RUSC2: variants seen among roughly 807,000 people sequenced by gnomAD.
The protein encoded by RUSC2 is RUN and SH3 domain containing 2.
In RUSC2, 34 loss-of-function variants were observed where a neutral mutation model predicts 122.2. The ratio of observed to expected loss-of-function variants is 0.28; its 90% CI spans 0.21 to 0.37. The LOEUF is 0.37. Among genes scored for constraint, RUSC2 ranks in the 10% least tolerant of loss-of-function variants. RUSC2 has a pLI of 1.00. For missense variants in RUSC2, 1,747 were observed against 1,952.4 expected, an observed-to-expected ratio of 0.89 and a Z score of 1.98; for synonymous variants, 784 against 790.0, an observed-to-expected ratio of 0.99 and a Z score of 0.13.
chr9:35,545,511 C>T (rs556235267), intron 1 of RUSC2, among the ~76,000 whole-genome samples: 2 of 152,230 alleles, frequency 1.3e-5, no homozygotes, highest in Admixed American at 1.3e-4. Flanking sequence ...TTTGCTTTAG[C>T]CTATAAGAGG....
At position 35,560,013 on chromosome 9, in the gene RUSC2, C is replaced by G; in HGVS notation, c.3389-16C>G. On this transcript the variant is annotated splice_polypyrimidine_tract_variant and intron_variant, in intron 9 of 11. Transcript: ENST00000361226. ...TGGTTCTCTGTGTGGATCAGTCCCT[C>G]TCTCTTTTCCCCTAGACATCATCCA... 1 of 1,569,966 alleles carries G rather than the reference C, an allele frequency of 6.4e-7. No individual in the cohort carries two copies. The highest frequency in any genetic ancestry group is 1.4e-5 in the African/African-American group (1 of 73,958).
chr9:35,546,208 G>C lies in RUSC2; in HGVS notation c.-92-222G>C, dbSNP rs1821741775. Among the ~76,000 whole-genome samples the C allele has an allele frequency of 1.3e-5, 2 of 152,176 alleles. 1 individual carries two copies. Among genetic ancestry groups the C allele is most frequent in the South Asian group, 4.1e-4 (2 of 4,834 alleles). On this transcript the variant is annotated intron_variant, in intron 1 of 11. Transcript: ENST00000361226. This position sits in a 1 kb window ranked among gnomAD's most constrained non-coding sequence, Gnocchi z 4.3. Reference sequence around the variant, plus strand: ...GCCTTTTGTCATAATTTGATGCATAGTGACCTTAAAATTAAGGGGGACCTC... The same window carrying C: ...GCCTTTTGTCATAATTTGATGCATACTGACCTTAAAATTAAGGGGGACCTC...
Position 35,561,753 on chromosome 9 carries a change from C to G in RUSC2, c.*371C>G, listed in dbSNP as rs1055469835. 3.6e-6 allele frequency: 2 copies of G among 549,514 alleles called. No individual in the cohort carries two copies. Among genetic ancestry groups the G allele is most frequent in the Admixed American group, 3.1e-5 (1 of 32,692 alleles). 34.0% of individuals were successfully genotyped at this position (549,514 alleles called of 1,614,324 possible). ...TGAGGATGGGTAACAGTATTGGGGC[C>G]AGATCCCTAAGCCCCCCAGCTGTAA... On this transcript the variant is annotated 3_prime_UTR_variant, in exon 12 of 12. Coordinates refer to ENST00000361226, the MANE Select transcript of RUSC2 (RefSeq NM_014806.5).
chr9:35,507,752 A>C, intron 1 of RUSC2: 1 of 225,708 alleles, frequency 4.4e-6, no homozygotes. Flanking sequence ...CTAAAACTAC[A>C]GAGAAGATTG....
At chr9:35,506,629 C>G (rs1217589084) in intron 1 of RUSC2, among the ~76,000 whole-genome samples, 1 of 152,176 alleles carries the variant, frequency 6.6e-6, no homozygotes, top group Non-Finnish European at 1.5e-5. Flanking sequence ...TAGTAACATT[C>G]ACAGAGATTA....
intron 1 of RUSC2, among the ~76,000 whole-genome samples, chr9:35,512,042 G>C (rs576521143): frequency 6.6e-6 from 1 of 152,110 alleles, no homozygotes; most frequent in Non-Finnish European, 1.5e-5. Context: ...TTAGCTGGGC[G>C]TGGTGGCTGG....
intron 1 of RUSC2, among the ~76,000 whole-genome samples, chr9:35,504,145 T>A (rs1820868382): frequency 6.6e-6 from 1 of 152,212 alleles, no homozygotes; most frequent in South Asian, 2.1e-4. Context: ...TTCCTTAGCA[T>A]AGAATTCTAG....
In RUSC2 at chr9:35,528,934, A is replaced by T. The variant is rs184182072; in HGVS notation, c.-92-17496A>T. On this transcript the variant is annotated intron_variant, in intron 1 of 11. Transcript: ENST00000361226. Reference sequence around the variant, plus strand: ...GACCCCCATCTTTAAAAAAATTTTTAAAAAAAAATTGTAAAAAGTTTAAAA... The same window carrying T: ...GACCCCCATCTTTAAAAAAATTTTTTAAAAAAAATTGTAAAAAGTTTAAAA... Among the ~76,000 whole-genome samples the T allele has an allele frequency of 1.6e-3, 249 of 151,984 alleles. 4 individuals are homozygous for T. In the South Asian group the frequency reaches 0.018, roughly 11 times the overall value.
chr9:35,561,651 G>A lies in RUSC2; in HGVS notation c.*269G>A, dbSNP rs1397406701. ...GGCCCGTCTGGGCCAACCCTTCCAT[G>A]GGTGAAGACAAGCAAGTCCCCCTGG... On this transcript the variant is annotated 3_prime_UTR_variant, in exon 12 of 12. Transcript: ENST00000361226. 16 of 551,298 alleles carry A rather than the reference G, an allele frequency of 2.9e-5. No homozygotes were observed. The East Asian group carries it at 4.3e-4, about 15-fold the overall frequency. The allele number at this position is 551,298 out of a possible 1,614,324, so 34.2% of individuals were successfully genotyped here.
chr9:35,547,237 A>G lies in RUSC2; in HGVS notation c.716A>G (p.Asn239Ser). 6.2e-7 allele frequency: 1 copy of G among 1,614,068 alleles called. No individual in the cohort carries two copies. The highest frequency in any genetic ancestry group is 8.5e-7 in the Non-Finnish European group (1 of 1,180,016). The change falls in exon 2 of 12, where the codon AAC (asparagine) becomes AGC (serine). Residue 239 changes from asparagine to serine, a missense_variant. Transcript: ENST00000361226. This position sits in a 1 kb window ranked among gnomAD's most constrained non-coding sequence, Gnocchi z 4.6. ...WKLSSDESPR[N>S]PGCSGSGDQH... ...CTCAGTTCAGATGAATCCCCAAGGA[A>G]CCCTGGATGCTCCGGCTCAGGGGAC... is the stretch of plus-strand genomic sequence containing the variant.
In RUSC2 at chr9:35,530,105, G is replaced by C. The variant is rs140567602; in HGVS notation, c.-92-16325G>C. Among the ~76,000 whole-genome samples, 46 of 152,154 alleles carry C rather than the reference G, an allele frequency of 3.0e-4. No individual in the cohort carries two copies. In the East Asian group the frequency reaches 8.3e-3, roughly 27 times the overall value. ...TAGCTAGGACTACAGGTGCACACCA[G>C]CACACCCAGCTAATTTTTGTATTTT... On this transcript the variant is annotated intron_variant, in intron 1 of 11. Transcript: ENST00000361226.
chr9:35,503,006 A>G (rs1173826112), intron 1 of RUSC2, among the ~76,000 whole-genome samples: 1 of 152,050 alleles, frequency 6.6e-6, no homozygotes, highest in African/African-American at 2.4e-5. Flanking sequence ...GATTACAGGC[A>G]TGCAACACCA....
chr9:35,524,926 G>C (rs550574650), intron 1 of RUSC2, among the ~76,000 whole-genome samples: 4 of 150,516 alleles, frequency 2.7e-5, no homozygotes, highest in Admixed American at 6.6e-5. Context: ...AGCCAAGATC[G>C]CACCACTGCA....
chr9:35,521,767 G>A (rs1210298201), intron 1 of RUSC2, among the ~76,000 whole-genome samples: 1 of 152,250 alleles, frequency 6.6e-6, no homozygotes, highest in African/African-American at 2.4e-5. Context: ...CTTCAGGCTA[G>A]GCCCTTTCAA....
In RUSC2 at chr9:35,560,743, C is replaced by T. The variant is rs370296026; in HGVS notation, c.4103C>T (p.Ser1368Leu). Residue 1368 changes from serine to leucine, a missense_variant, in exon 10 of 12, where the codon TCG (serine) becomes TTG (leucine). Coordinates refer to ENST00000361226, the MANE Select transcript of RUSC2 (RefSeq NM_014806.5). ...CGGGAGAGGGAAGGGCCCGCTGCCT[C>T]GCCAGCAGAAAATGAGGAAGGGGCC... ...RSREREGPAA[S>L]PAENEEGASE... The T allele has an allele frequency of 3.3e-5, 51 of 1,539,526 alleles. No homozygotes were observed. In the African/African-American group the frequency reaches 3.9e-4, roughly 12 times the overall value.
intron 1 of RUSC2, among the ~76,000 whole-genome samples, chr9:35,538,161 G>A (rs893359342): frequency 1.3e-5 from 2 of 152,186 alleles, no homozygotes; most frequent in Admixed American, 1.3e-4. Flanking sequence ...ACCCAGCTGA[G>A]CACTGACCGA....
In RUSC2 at chr9:35,558,455, C is replaced by T; in HGVS notation, c.3236-7C>T. The T allele has an allele frequency of 1.9e-6, 3 of 1,614,026 alleles. No homozygotes were observed. Among genetic ancestry groups the T allele is most frequent in the Non-Finnish European group, 2.5e-6 (3 of 1,179,916 alleles). On this transcript the variant is annotated splice_polypyrimidine_tract_variant and splice_region_variant and intron_variant, in intron 7 of 11. Coordinates refer to ENST00000361226, the MANE Select transcript of RUSC2 (RefSeq NM_014806.5). The surrounding 1 kb of genome is among the most constrained non-coding windows in gnomAD (Gnocchi z 4.3). ...TCATGTGACCTGCAACCCTGGCTTCCTCCCAGGCCCATCCACCAAGGTCCT... is the reference window on the plus strand; with the variant it reads ...TCATGTGACCTGCAACCCTGGCTTCTTCCCAGGCCCATCCACCAAGGTCCT...
At chr9:35,495,302 CTCTTA>C (rs909466558) in intron 1 of RUSC2, among the ~76,000 whole-genome samples, 6 of 120,744 alleles carry the variant, frequency 5.0e-5, no homozygotes, top group African/African-American at 1.5e-4. Context: ...ATAGTTTTAG[CTCTTA>C]TCTTTAGGTC....
intron 1 of RUSC2, among the ~76,000 whole-genome samples, chr9:35,527,142 T>TC (rs1308012894): frequency 6.6e-6 from 1 of 151,570 alleles, no homozygotes; most frequent in Non-Finnish European, 1.5e-5. Flanking sequence ...TTCGTTGTTT[T>TC]TTTTTTCTTT....
Sources: gnomAD v4.1 joint callset for allele counts (sites outside exome capture counted in the v4.1 genomes callset) on GRCh38, gnomAD v4.1.1 for gene constraint, Gnocchi (gnomAD v3.1) non-coding constraint, MANE v1.5 for transcripts, NCBI Gene and HGNC (gene_info 2026-07-23, HGNC 2026-07-21) for gene names.